The following LRRCC1 variants were observed in gnomAD, a reference collection of about 807,000 sequenced individuals.
LRRCC1 encodes leucine rich repeat and coiled-coil centrosomal protein 1.
LRRCC1 carries 115 observed loss-of-function variants against 126.0 expected under a neutral mutation model. That is an observed-to-expected ratio of 0.91 (90% CI 0.78 to 1.07). The LOEUF (loss-of-function observed/expected upper bound fraction) is 1.07. Among genes scored for constraint, LRRCC1 ranks in the 50% least tolerant of loss-of-function variants. The pLI is 0.00. For missense variants in LRRCC1, 1,172 were observed against 1,175.7 expected (o/e 1.00, Z 0.05); for synonymous variants, 400 against 393.4 (o/e 1.02, Z -0.20).
intron 8 of LRRCC1, among the ~76,000 whole-genome samples, chr8:85,125,711 A>G (rs562656276): frequency 1.3e-5 from 2 of 150,552 alleles, no homozygotes; most frequent in East Asian, 3.9e-4. Flanking sequence ...AAATGTTTTA[A>G]TTCTTTAAAA....
intron 6 of LRRCC1, among the ~76,000 whole-genome samples, chr8:85,120,963 C>A (rs1027637149): frequency 2.6e-5 from 4 of 152,098 alleles, no homozygotes; most frequent in Admixed American, 1.3e-4. Flanking sequence ...TTGGCTATAT[C>A]CCCAGAAGTA....
At chr8:85,119,464 C>T (rs1333447406) in intron 6 of LRRCC1, among the ~76,000 whole-genome samples, 4 of 147,390 alleles carry the variant, frequency 2.7e-5, no homozygotes, top group East Asian at 2.0e-4. Context: ...TCCCCTCTAC[C>T]GTGAATTTAC....
chr8:85,131,901 T>C lies in LRRCC1; in HGVS notation c.1908T>C (p.Tyr636=). 2 of 1,613,812 alleles carry C rather than the reference T, an allele frequency of 1.2e-6. No homozygotes were observed. Among genetic ancestry groups the C allele is most frequent in the Non-Finnish European group, 1.7e-6 (2 of 1,179,892 alleles). The stretch of plus-strand genomic sequence containing the variant: ...AAATTGACGTGTTAAGCCAGCAGTA[T>C]ATGGATTTAGAAAATGAATTCCGTA... ...QEKIDVLSQQ[Y]MDLENEFRIA... The change falls in exon 12 of 19, where the codon TAT becomes TAC. Residue 636 remains tyrosine (Y), a synonymous_variant. Transcript: ENST00000360375.
intron 6 of LRRCC1, among the ~76,000 whole-genome samples, chr8:85,116,964 T>C (rs769249872): frequency 2.0e-4 from 30 of 152,166 alleles, no homozygotes; most frequent in Admixed American, 5.2e-4. Context: ...TTATTTGACA[T>C]CATTGATACT....
At position 85,134,867 on chromosome 8, in the gene LRRCC1, T is replaced by G. The variant is rs752718172; in HGVS notation, c.1989T>G (p.Asn663Lys). 14 of 1,573,078 alleles carry G rather than the reference T, an allele frequency of 8.9e-6. No individual in the cohort carries two copies. In the African/African-American group the frequency reaches 1.1e-4, roughly 13 times the overall value. ...RFQDVKDGFE[N>K]VATELAKSKH... Reference sequence around the variant, plus strand: ...TATAGGTTAAAGATGGTTTTGAAAATGTTGCAACTGAGTTAGCAAAGAGCA... The same window carrying G: ...TATAGGTTAAAGATGGTTTTGAAAAGGTTGCAACTGAGTTAGCAAAGAGCA... The change falls in exon 13 of 19, where the codon AAT becomes AAG. Residue 663 changes from asparagine (N) to lysine (K), a missense_variant. Asn to Lys is a moderately conservative substitution (Grantham distance 94, BLOSUM62 0). Transcript: ENST00000360375.
chr8:85,123,654 G>A (rs772019121), intron 7 of LRRCC1, 48 bp downstream of exon 7: 2 of 1,336,424 alleles, frequency 1.5e-6, no homozygotes, highest in South Asian at 2.8e-5. Flanking sequence ...AGTTAATAAT[G>A]CTGGCTTCTC....
At chr8:85,109,046 A>G (rs1808487094) in intron 1 of LRRCC1, 1 of 152,456 alleles carries the variant, frequency 6.6e-6, no homozygotes, top group African/African-American at 2.4e-5. Flanking sequence ...AAAGAAGAAA[A>G]TAAAGTTATA....
At chr8:85,126,337 A>G (rs990418092) in intron 8 of LRRCC1, among the ~76,000 whole-genome samples, 38 of 152,098 alleles carry the variant, frequency 2.5e-4, no homozygotes, top group African/African-American at 9.2e-4. Flanking sequence ...TGGGTGGATC[A>G]CTTGAGGTCA....
chr8:85,138,701 G>A (rs1811045886), intron 17 of LRRCC1, among the ~76,000 whole-genome samples: 1 of 152,196 alleles, frequency 6.6e-6, no homozygotes, highest in South Asian at 2.1e-4. Flanking sequence ...ATGAATAGAT[G>A]TGGCTTATAT....
In LRRCC1 at chr8:85,135,788, G is replaced by T; in HGVS notation, c.2155-1G>T. The T allele has an allele frequency of 1.4e-6, 2 of 1,480,864 alleles. No individual in the cohort carries two copies. Among genetic ancestry groups the T allele is most frequent in the Non-Finnish European group, 1.8e-6 (2 of 1,109,796 alleles). 91.7% of individuals were successfully genotyped at this position (1,480,864 alleles called of 1,614,324 possible). A position where few individuals can be genotyped will look rare whatever the true frequency, so the allele number is the denominator to read the frequency against. Reference sequence around the variant, plus strand: ...TTATTTTTTTTTTTGGGAATATACAGAATCAAATCAACACCCTTGAAATTT... The same window carrying T: ...TTATTTTTTTTTTTGGGAATATACATAATCAAATCAACACCCTTGAAATTT... On this transcript the variant is annotated splice_acceptor_variant, in intron 13 of 18. Transcript: ENST00000360375. LOFTEE classifies it high-confidence loss of function.
At chr8:85,113,293 G>A (rs1343078087) in intron 4 of LRRCC1, among the ~76,000 whole-genome samples, 194 bp downstream of exon 4, 1 of 152,120 alleles carries the variant, frequency 6.6e-6, no homozygotes, top group Non-Finnish European at 1.5e-5. Context: ...GAACAGTTCA[G>A]TGATGCTCCT....
intron 11 of LRRCC1, 47 bp from the exon 12 acceptor site, chr8:85,131,707 GTTTCTT>G (rs1411196247): frequency 5.8e-6 from 8 of 1,376,320 alleles, no homozygotes; most frequent in Non-Finnish European, 8.0e-6. Flanking sequence ...CCTTTAAAAT[GTTTCTT>G]TTCAGGTGAG....
chr8:85,131,686 C>G, intron 11 of LRRCC1, 74 bp from the exon 12 acceptor site: 6 of 1,121,576 alleles, frequency 5.3e-6, no homozygotes, highest in Non-Finnish European at 6.4e-6. Context: ...ATATTAAGAA[C>G]TACGTAAAGA....
Position 85,115,220 on chromosome 8 carries a change from G to T in LRRCC1, c.665G>T (p.Gly222Val). ...TCATCACAGCTGCAGTGCCTAGAAGGTCTTTTGGATAATTTAGTTTCTTCT... is the reference window on the plus strand; with the variant it reads ...TCATCACAGCTGCAGTGCCTAGAAGTTCTTTTGGATAATTTAGTTTCTTCT... ...INSSQLQCLE[G>V]LLDNLVSSDS... is the part of the protein sequence containing the mutation. The change falls in exon 5 of 19, where the codon GGT becomes GTT. Residue 222 changes from glycine to valine, a missense_variant. Gly to Val is a moderately radical substitution (Grantham distance 109, BLOSUM62 -3). Transcript: ENST00000360375. 3 of 1,612,412 alleles carry T rather than the reference G, an allele frequency of 1.9e-6. No homozygotes were observed. The highest frequency in any genetic ancestry group is 2.5e-6 in the Non-Finnish European group (3 of 1,179,094).
chr8:85,113,584 T>A (rs886937547), intron 4 of LRRCC1, among the ~76,000 whole-genome samples: 4 of 152,018 alleles, frequency 2.6e-5, no homozygotes, highest in African/African-American at 9.7e-5. Flanking sequence ...GTGTGCTCAG[T>A]ATATACATAA....
In LRRCC1 at chr8:85,115,414, G is replaced by C. The variant is rs1471486290; in HGVS notation, c.760G>C (p.Glu254Gln). The change falls in exon 6 of 19, where the codon GAG (glutamate) becomes CAG (glutamine). Residue 254 changes from glutamate to glutamine, a missense_variant. By Grantham distance (29) the Glu-to-Gln change is conservative. Coordinates refer to ENST00000360375, the MANE Select transcript of LRRCC1 (RefSeq NM_033402.5). ...GCCAGTGATAACAGCACCTATCGAT[G>C]AGTTAGTTCCCTTGGAACAGTTTGC... ...RMPVITAPID[E>Q]LVPLEQFAST... 6.2e-7 allele frequency: 1 copy of C among 1,613,736 alleles called. No homozygotes were observed. The highest frequency in any genetic ancestry group is 1.7e-5 in the Admixed American group (1 of 60,000).
chr8:85,136,103 A>G (rs548887162), intron 14 of LRRCC1, 140 bp downstream of exon 14: 1 of 596,994 alleles, frequency 1.7e-6, no homozygotes, highest in East Asian at 3.3e-5. Flanking sequence ...ATAAGTAGGC[A>G]TTTGCCAGCT....
chr8:85,144,440 GTGTGTATATATATATATA>G (rs1346686097), intron 18 of LRRCC1, among the ~76,000 whole-genome samples: 2 of 37,234 alleles, frequency 5.4e-5, no homozygotes, highest in African/African-American at 1.1e-4. Context: ...GTGTGTGTGT[GTGTGTATATATATATATA>G]TATATATATA....
At position 85,124,864 on chromosome 8, in the gene LRRCC1, G is replaced by A. The variant is rs1189249133; in HGVS notation, c.1197G>A (p.Met399Ile). The A allele has an allele frequency of 1.2e-6, 2 of 1,605,912 alleles. No individual in the cohort carries two copies. Among genetic ancestry groups the A allele is most frequent in the Non-Finnish European group, 1.7e-6 (2 of 1,174,628 alleles). The change falls in exon 8 of 19, where the codon ATG becomes ATA. Residue 399 changes from methionine (M) to isoleucine (I), a missense_variant. Met to Ile is a conservative substitution (Grantham distance 10). Transcript: ENST00000360375. ...YVSSSLANCP[M>I]LQESEKPKTE... ...GCTCATCTTTAGCAAACTGTCCTAT[G>A]TTACAAGAATCAGAAAAGCCAAAGA...
Sources: allele counts gnomAD v4.1 joint callset (sites outside exome capture counted in the v4.1 genomes callset), GRCh38; gene constraint gnomAD v4.1.1; transcripts MANE v1.5; gene names NCBI Gene and HGNC (gene_info 2026-07-23, HGNC 2026-07-21).